Variants in NPAS3 observed in about 807,000 individuals in gnomAD.
NPAS3 encodes the protein neuronal PAS domain protein 3.
NPAS3 carries 14 observed loss-of-function variants against 73.1 expected under a neutral mutation model. That is an observed-to-expected ratio of 0.19 (90% confidence interval 0.13 to 0.30). The LOEUF is 0.30. Ranked by LOEUF, NPAS3 falls within the 10% of genes least tolerant of loss-of-function variation. The pLI is 1.00. For synonymous variants in NPAS3, 620 were observed against 541.5 expected (o/e 1.14, Z -2.01); for missense variants, 1,096 against 1,250.0 (o/e 0.88, Z 1.86).
At chr14:33,539,977 G>T (rs1024158393) in intron 4 of NPAS3, among the ~76,000 whole-genome samples, 1 of 152,098 alleles carries the variant, frequency 6.6e-6, no homozygotes, top group African/African-American at 2.4e-5. Flanking sequence ...GGCTGACCAC[G>T]AATGCATCCT....
chr14:33,483,625 G>A (rs1024661973), intron 4 of NPAS3, among the ~76,000 whole-genome samples: 1 of 152,094 alleles, frequency 6.6e-6, no homozygotes, highest in African/African-American at 2.4e-5. Flanking sequence ...ATGGTTTCAG[G>A]TGAACTGTCA....
intron 1 of NPAS3, among the ~76,000 whole-genome samples, chr14:32,950,009 T>C (rs1263004075): frequency 1.3e-5 from 2 of 151,952 alleles, no homozygotes; most frequent in African/African-American, 4.8e-5. Context: ...CATAAAGAAA[T>C]AGTAAAATAA....
intron 2 of NPAS3, among the ~76,000 whole-genome samples, chr14:33,184,787 T>C (rs1594335481): frequency 6.6e-6 from 1 of 152,032 alleles, no homozygotes; most frequent in Non-Finnish European, 1.5e-5. Flanking sequence ...CAGTGGGTGG[T>C]GCCATTTAAC....
At chr14:33,080,236 T>C (rs981568128) in intron 2 of NPAS3, among the ~76,000 whole-genome samples, 1 of 152,124 alleles carries the variant, frequency 6.6e-6, no homozygotes, top group East Asian at 1.9e-4. Context: ...GCCTCCCGAG[T>C]AGCTGGGACT....
chr14:33,357,008 C>T (rs895332026), intron 3 of NPAS3, among the ~76,000 whole-genome samples: 5 of 152,286 alleles, frequency 3.3e-5, no homozygotes, highest in African/African-American at 1.2e-4. Flanking sequence ...CCAAATTGTG[C>T]TCCTCTTTCT....
intron 4 of NPAS3, among the ~76,000 whole-genome samples, chr14:33,383,841 A>G (rs1215805243): frequency 3.9e-5 from 6 of 152,214 alleles, no homozygotes; most frequent in African/African-American, 1.4e-4. Flanking sequence ...TGTGTTTTCC[A>G]GAACTGGAAA....
chr14:33,698,932 C>A (rs1228590525), intron 6 of NPAS3, among the ~76,000 whole-genome samples: 3 of 152,086 alleles, frequency 2.0e-5, no homozygotes, highest in Non-Finnish European at 4.4e-5. Context: ...AGCTATCCAG[C>A]AGAAAAGGGA....
rs184175140 is a variant in NPAS3, at chr14:33,267,008, G to A, written c.385+51582G>A. On this transcript the variant is annotated intron_variant, in intron 3 of 11. Transcript: ENST00000356141. The stretch of plus-strand genomic sequence containing the variant: ...GCAAGGCAAAGAATTGTTTGGGATG[G>A]GTAATTGCCAGCTTGACATTTGTTA... Among the ~76,000 whole-genome samples the A allele has an allele frequency of 3.0e-3, 450 of 152,166 alleles. 1 individual carries two copies. The highest frequency in any genetic ancestry group is 3.1e-3 in the Non-Finnish European group (211 of 67,978).
intron 2 of NPAS3, among the ~76,000 whole-genome samples, chr14:33,134,404 T>C (rs2043757145): frequency 1.3e-5 from 2 of 152,160 alleles, no homozygotes; most frequent in Admixed American, 1.3e-4. Flanking sequence ...TTTTCATCCT[T>C]AAACACTCAA....
At chr14:32,954,520 C>T (rs1413486788) in intron 1 of NPAS3, among the ~76,000 whole-genome samples, 1 of 152,234 alleles carries the variant, frequency 6.6e-6, no homozygotes, top group East Asian at 1.9e-4. Flanking sequence ...CATTCTTTTA[C>T]CATGTTAGCT....
chr14:33,238,014 A>T (rs967337254), intron 3 of NPAS3, among the ~76,000 whole-genome samples: 6 of 152,008 alleles, frequency 3.9e-5, no homozygotes. Flanking sequence ...ACATTTTTCA[A>T]AAAGAATTAT....
intron 4 of NPAS3, among the ~76,000 whole-genome samples, chr14:33,534,039 G>A (rs10148152): frequency 0.4 from 60,476 of 151,782 alleles, 12,960 homozygotes; most frequent in African/African-American, 0.58. Context: ...TATTCAGTTA[G>A]CTAGACATCA....
chr14:33,063,442 C>A (rs945406877), intron 2 of NPAS3, among the ~76,000 whole-genome samples: 30 of 152,128 alleles, frequency 2.0e-4, no homozygotes, highest in African/African-American at 6.7e-4. Flanking sequence ...GCCACATCTA[C>A]CCCCAACCCC....
At chr14:33,082,356 T>G (rs1463074893) in intron 2 of NPAS3, among the ~76,000 whole-genome samples, 1 of 152,194 alleles carries the variant, frequency 6.6e-6, no homozygotes, top group Non-Finnish European at 1.5e-5. Context: ...GGAAGGCCAT[T>G]TAGACTTTGT....
intron 3 of NPAS3, among the ~76,000 whole-genome samples, chr14:33,268,476 A>T (rs898553449): frequency 6.6e-6 from 1 of 152,152 alleles, no homozygotes; most frequent in Non-Finnish European, 1.5e-5. Flanking sequence ...TCATTGCCAT[A>T]CAATTGGCCT....
chr14:33,741,167 A>T (rs1387921167), intron 7 of NPAS3, among the ~76,000 whole-genome samples: 3 of 152,148 alleles, frequency 2.0e-5, no homozygotes, highest in Non-Finnish European at 2.9e-5. Flanking sequence ...TTTCTTCCTT[A>T]TCTGAGATTC....
intron 3 of NPAS3, among the ~76,000 whole-genome samples, chr14:33,341,062 C>T (rs1338649835): frequency 2.6e-5 from 4 of 152,204 alleles, no homozygotes; most frequent in South Asian, 2.1e-4. Context: ...GTGCCAAACT[C>T]TACTTCAACA....
At chr14:33,078,170 TA>T (rs1017175144) in intron 2 of NPAS3, among the ~76,000 whole-genome samples, 1 of 151,434 alleles carries the variant, frequency 6.6e-6, no homozygotes, top group Non-Finnish European at 1.5e-5. Context: ...AACATAAAAA[TA>T]AAAAAAAGAA....
rs377167607 is a variant in NPAS3 at position 33,589,292 on chromosome 14, G to A, written c.558+29082G>A. Among the ~76,000 whole-genome samples, 168 of 152,310 alleles carry A rather than the reference G, an allele frequency of 1.1e-3. 3 individuals are homozygous for A. In the South Asian group the frequency reaches 0.033, roughly 30 times the overall value. On this transcript the variant is annotated intron_variant, in intron 5 of 11. Coordinates refer to ENST00000356141, the Ensembl canonical transcript of NPAS3. ...CCCTGACCATGAAAAATGGGAGGGA[G>A]GGGATTAAATTCTATTTGTAGTTGA...
Sources: gnomAD v4.1 joint callset for allele counts (sites outside exome capture counted in the v4.1 genomes callset) on GRCh38, gnomAD v4.1.1 for gene constraint, MANE v1.5 for transcripts, NCBI Gene and HGNC (gene_info 2026-07-23, HGNC 2026-07-21) for gene names.